DOCK3: variants seen among roughly 807,000 people sequenced by gnomAD.
The protein encoded by DOCK3 is dedicator of cytokinesis protein 3.
DOCK3 carries 60 observed loss-of-function variants against 265.6 expected under a neutral mutation model. The ratio of observed to expected loss-of-function variants is 0.23; its 90% CI spans 0.18 to 0.28. The LOEUF (loss-of-function observed/expected upper bound fraction) is 0.28, where lower values mean the gene tolerates loss of function less well. Ranked by LOEUF, DOCK3 falls within the 10% of genes least tolerant of loss-of-function variation. DOCK3 has a pLI of 1.00. For synonymous variants in DOCK3, 881 were observed against 938.0 expected (o/e 0.94, Z 1.11); for missense variants, 1,981 against 2,594.3 (o/e 0.76, Z 5.14).
At position 51,146,427 on chromosome 3, in the gene DOCK3, G is replaced by A. The variant is rs551376780; in HGVS notation, c.747-122G>A. ...TCCTGCCACTAGACGTGTGTTTTTGGCCTTGCTTGTCACTGCAAGCTGTTA... is the reference window on the plus strand; with the variant it reads ...TCCTGCCACTAGACGTGTGTTTTTGACCTTGCTTGTCACTGCAAGCTGTTA... On this transcript the variant is annotated intron_variant, in intron 9 of 52. Coordinates refer to ENST00000266037, the MANE Select transcript of DOCK3 (RefSeq NM_004947.5). The A allele has an allele frequency of 1.6e-5, 16 of 985,092 alleles. No individual in the cohort carries two copies. In the East Asian group the frequency reaches 4.0e-4, roughly 25 times the overall value. The allele number at this position is 985,092 out of a possible 1,614,324, so 61.0% of individuals were successfully genotyped here. A position where few individuals can be genotyped will look rare whatever the true frequency, so the allele number is the denominator to read the frequency against.
intron 27 of DOCK3, among the ~76,000 whole-genome samples, chr3:51,301,179 T>C (rs2082340759): frequency 6.6e-6 from 1 of 152,216 alleles, no homozygotes; most frequent in Non-Finnish European, 1.5e-5. Flanking sequence ...GATTTTCTAA[T>C]TTACATGCCT....
At chr3:50,735,196 G>A (rs905419171) in intron 1 of DOCK3, among the ~76,000 whole-genome samples, 3 of 152,110 alleles carry the variant, frequency 2.0e-5, no homozygotes, top group Admixed American at 2.0e-4. Context: ...TATGGAGGAT[G>A]CCTTGTTTGT....
chr3:50,710,692 G>A (rs2036703433), intron 1 of DOCK3, among the ~76,000 whole-genome samples: 1 of 152,176 alleles, frequency 6.6e-6, no homozygotes, highest in East Asian at 1.9e-4. Context: ...AAAGATACTT[G>A]CAGATCCATG....
intron 32 of DOCK3, among the ~76,000 whole-genome samples, chr3:51,315,405 A>G (rs1330148921): frequency 6.6e-6 from 1 of 152,232 alleles, no homozygotes; most frequent in Non-Finnish European, 1.5e-5. Flanking sequence ...CCCAGTTTCA[A>G]TCATGATAGG....
At chr3:51,136,095 C>T (rs80282901) in intron 9 of DOCK3, among the ~76,000 whole-genome samples, 2 of 152,304 alleles carry the variant, frequency 1.3e-5, no homozygotes, top group East Asian at 1.9e-4. Flanking sequence ...GCACTCTCTC[C>T]TCCTGGAATA....
intron 50 of DOCK3, among the ~76,000 whole-genome samples, chr3:51,375,313 C>T (rs1043718362): frequency 1.4e-4 from 21 of 152,344 alleles, no homozygotes; most frequent in Admixed American, 1.4e-3. Context: ...CTGTCTGTGA[C>T]TCTAGGCTTG....
chr3:50,801,704 T>C (rs981875359), intron 2 of DOCK3, among the ~76,000 whole-genome samples: 1 of 152,224 alleles, frequency 6.6e-6, no homozygotes, highest in Non-Finnish European at 1.5e-5. Flanking sequence ...TACAAATATC[T>C]GTTACATCCA....
chr3:51,172,423 G>A (rs542590390), intron 12 of DOCK3, among the ~76,000 whole-genome samples: 18 of 152,116 alleles, frequency 1.2e-4, no homozygotes, highest in Non-Finnish European at 2.2e-4. Flanking sequence ...TCATCTGCCC[G>A]CCTTGGCCTC....
intron 5 of DOCK3, among the ~76,000 whole-genome samples, chr3:50,958,137 C>T (rs1164633411): frequency 2.0e-5 from 3 of 152,164 alleles, no homozygotes; most frequent in African/African-American, 4.8e-5. Flanking sequence ...TTCACCTCCT[C>T]GGATAAGATT....
chr3:50,780,262 T>C (rs932635105), intron 2 of DOCK3, among the ~76,000 whole-genome samples: 5 of 152,214 alleles, frequency 3.3e-5, no homozygotes, highest in African/African-American at 1.2e-4. Context: ...TCATAAAATA[T>C]TGAAAGAGTT....
chr3:50,827,256 CA>C (rs1417009880), intron 2 of DOCK3, among the ~76,000 whole-genome samples: 3 of 152,116 alleles, frequency 2.0e-5, no homozygotes, highest in Non-Finnish European at 4.4e-5. Flanking sequence ...GCTGCTATAA[CA>C]ATACTATAGG....
chr3:50,874,660 C>T (rs544799877), intron 3 of DOCK3, among the ~76,000 whole-genome samples: 1 of 151,740 alleles, frequency 6.6e-6, no homozygotes, highest in Non-Finnish European at 1.5e-5. Context: ...AGAGATATTC[C>T]ACTTATTTGG....
chr3:51,272,807 A>G (rs1446194369), intron 24 of DOCK3, among the ~76,000 whole-genome samples: 2 of 151,580 alleles, frequency 1.3e-5, no homozygotes, highest in African/African-American at 2.4e-5. Context: ...GATTTTATTA[A>G]TGGTTTGGGG....
rs1314504374 is a variant in DOCK3, at chr3:50,993,964, A to G, written c.315+59887A>G. 3.3e-5 allele frequency among the ~76,000 whole-genome samples: 5 copies of G among 152,286 alleles called. No individual in the cohort carries two copies. The East Asian group carries it at 9.7e-4, about 29-fold the overall frequency. On this transcript the variant is annotated intron_variant, in intron 5 of 52. Transcript: ENST00000266037. Reference sequence around the variant, plus strand: ...AAAACTGTCTAATACAGGTCTAGAAAAGGCTATTGGTCCTAACTTAGAAAG... The same window carrying G: ...AAAACTGTCTAATACAGGTCTAGAAGAGGCTATTGGTCCTAACTTAGAAAG...
chr3:50,746,176 C>G (rs1326738254), intron 1 of DOCK3, among the ~76,000 whole-genome samples: 1 of 144,116 alleles, frequency 6.9e-6, no homozygotes, highest in Non-Finnish European at 1.5e-5. Flanking sequence ...ATGGTACAAT[C>G]TCGGCTCACT....
At chr3:51,368,955 C>T (rs1270744072) in intron 49 of DOCK3, among the ~76,000 whole-genome samples, 3 of 152,184 alleles carry the variant, frequency 2.0e-5, no homozygotes, top group Non-Finnish European at 2.9e-5. Context: ...CATCAAACTC[C>T]AACAGACCTG....
intron 35 of DOCK3, 92 bp from the exon 36 acceptor site, chr3:51,338,267 G>T: frequency 7.2e-7 from 1 of 1,394,392 alleles, no homozygotes; most frequent in Non-Finnish European, 9.9e-7. Flanking sequence ...TCTGGGATTT[G>T]GTCATACTAA....
At chr3:51,062,085 C>A (rs2081430436) in intron 5 of DOCK3, among the ~76,000 whole-genome samples, 1 of 152,150 alleles carries the variant, frequency 6.6e-6, no homozygotes, top group African/African-American at 2.4e-5. Flanking sequence ...TGAACTGTTG[C>A]ACTAAATAGC....
In DOCK3 at chr3:51,101,282, G is replaced by A. The variant is rs567309794; in HGVS notation, c.746+10898G>A. ...ACTACAGGCGCCCGCCACCGCGCCC[G>A]GCTAATTTTTTGTATTTTTAGTAGA... On this transcript the variant is annotated intron_variant, in intron 9 of 52. Coordinates refer to ENST00000266037, the MANE Select transcript of DOCK3 (RefSeq NM_004947.5). 3.8e-3 allele frequency among the ~76,000 whole-genome samples: 581 copies of A among 151,350 alleles called. 2 individuals are homozygous for A. The highest frequency in any genetic ancestry group is 0.013 in the African/African-American group (528 of 41,298).
Sources: allele counts gnomAD v4.1 joint callset (sites outside exome capture counted in the v4.1 genomes callset), GRCh38; gene constraint gnomAD v4.1.1; transcripts MANE v1.5; gene names NCBI Gene and HGNC (gene_info 2026-07-23, HGNC 2026-07-21).